The following ESRRG variants were observed in gnomAD, a reference collection of about 807,000 sequenced individuals.
ESRRG encodes the protein estrogen related receptor gamma, also known as estrogen-related receptor gamma.
A neutral mutation model predicts 44.0 loss-of-function variants in ESRRG; 13 were observed. The ratio of observed to expected loss-of-function variants is 0.30; its 90% CI spans 0.19 to 0.47. The LOEUF (loss-of-function observed/expected upper bound fraction) is 0.47. ESRRG is among the 20% of genes least tolerant of loss of function. The pLI is 1.00. For synonymous variants in ESRRG, 215 were observed against 214.6 expected, an observed-to-expected ratio of 1.00 and a Z score of -0.02; for missense variants, 395 against 580.6, an observed-to-expected ratio of 0.68 and a Z score of 3.29.
chr1:216,920,383 A>AGTGTGT (rs10534433), intron 2 of ESRRG, among the ~76,000 whole-genome samples: 236 of 124,112 alleles, frequency 1.9e-3, no homozygotes, highest in African/African-American at 2.4e-3. Context: ...AATGTATGGG[A>AGTGTGT]GTGTGTGTGT....
At chr1:216,926,385 C>T (rs374925859) in intron 2 of ESRRG, among the ~76,000 whole-genome samples, 113 of 150,210 alleles carry the variant, frequency 7.5e-4, no homozygotes, top group African/African-American at 2.6e-3. Flanking sequence ...AACCACTTTC[C>T]ATCCCAGGAA....
intron 1 of ESRRG, among the ~76,000 whole-genome samples, chr1:216,708,586 A>G (rs1324686723): frequency 1.3e-5 from 2 of 152,184 alleles, no homozygotes; most frequent in African/African-American, 4.8e-5. Flanking sequence ...GAGGATGTGG[A>G]GAAATAGGAA....
At chr1:216,980,865 T>C (rs1214267238) in intron 1 of ESRRG, among the ~76,000 whole-genome samples, 2 of 152,080 alleles carry the variant, frequency 1.3e-5, no homozygotes, top group Non-Finnish European at 2.9e-5. Flanking sequence ...ATAGAACTAA[T>C]GTAGTTGCCT....
intron 1 of ESRRG, among the ~76,000 whole-genome samples, chr1:217,055,334 T>A (rs1164378669): frequency 1.3e-5 from 2 of 152,072 alleles, no homozygotes; most frequent in Non-Finnish European, 2.9e-5. Context: ...TAGGGAATTA[T>A]AGAGGGGAGA....
At chr1:216,919,551 C>T (rs1273599478) in intron 2 of ESRRG, among the ~76,000 whole-genome samples, 1 of 152,128 alleles carries the variant, frequency 6.6e-6, no homozygotes, top group African/African-American at 2.4e-5. Context: ...GTTGCTTCTT[C>T]AATAACGCAT....
intron 3 of ESRRG, among the ~76,000 whole-genome samples, chr1:216,645,181 C>T (rs556405679): frequency 6.6e-6 from 1 of 152,212 alleles, no homozygotes; most frequent in South Asian, 2.1e-4. Flanking sequence ...CGTCTGTTAA[C>T]TTTGAAAAAA....
intron 3 of ESRRG, among the ~76,000 whole-genome samples, chr1:216,586,402 G>A (rs377191505): frequency 6.6e-6 from 1 of 152,188 alleles, no homozygotes; most frequent in African/African-American, 2.4e-5. Flanking sequence ...GTTAAATCAA[G>A]CTTAAGGTAA....
intron 1 of ESRRG, among the ~76,000 whole-genome samples, chr1:216,941,384 C>T (rs1465344506): frequency 6.6e-6 from 1 of 152,152 alleles, no homozygotes; most frequent in Admixed American, 6.5e-5. Flanking sequence ...TGCTAATGCT[C>T]ATAGCCAGTG....
Position 216,844,465 on chromosome 1 carries a change from G to A in ESRRG, c.-14+95117C>T, listed in dbSNP as rs189677774. Among the ~76,000 whole-genome samples the A allele has an allele frequency of 3.9e-4, 59 of 152,052 alleles. No individual in the cohort carries two copies. The East Asian group carries it at 9.0e-3, about 23-fold the overall frequency. ...CCCACTTGAGTCTAAAAGGTCCTACGTGCTCTTCCTGCTCAGCTCTGATGT... is the reference window on the plus strand; with the variant it reads ...CCCACTTGAGTCTAAAAGGTCCTACATGCTCTTCCTGCTCAGCTCTGATGT... On this transcript the variant is annotated intron_variant, in intron 2 of 7. Transcript: ENST00000359162.
chr1:217,039,797 A>C (rs1398733907), intron 1 of ESRRG, among the ~76,000 whole-genome samples: 1 of 152,206 alleles, frequency 6.6e-6, no homozygotes, highest in African/African-American at 2.4e-5. Context: ...AATTGTTTGT[A>C]TCTCATTATG....
chr1:216,588,584 T>C (rs1175066468), intron 3 of ESRRG, among the ~76,000 whole-genome samples: 1 of 152,192 alleles, frequency 6.6e-6, no homozygotes, highest in Non-Finnish European at 1.5e-5. Flanking sequence ...TCATAGATCA[T>C]CTTATTTAAT....
intron 5 of ESRRG, among the ~76,000 whole-genome samples, chr1:216,541,611 T>TGTGA (rs753149020): frequency 0.019 from 2,758 of 148,644 alleles, 39 homozygotes; most frequent in Non-Finnish European, 0.027. Flanking sequence ...TGTGTGTATG[T>TGTGA]GATCAGCTAT....
chr1:216,715,856 G>A (rs1485594321), intron 1 of ESRRG, among the ~76,000 whole-genome samples: 2 of 151,852 alleles, frequency 1.3e-5, no homozygotes, highest in East Asian at 1.9e-4. Flanking sequence ...CAAAAGCCAT[G>A]AAAAATGAGT....
At chr1:216,858,484 G>C (rs180722431) in intron 2 of ESRRG, among the ~76,000 whole-genome samples, 10 of 136,676 alleles carry the variant, frequency 7.3e-5, no homozygotes, top group Admixed American at 2.3e-4. Flanking sequence ...TGAAGTTGTT[G>C]TACGACCTCA....
intron 1 of ESRRG, among the ~76,000 whole-genome samples, chr1:217,071,249 C>CA (rs1358408342): frequency 1.3e-5 from 2 of 151,720 alleles, no homozygotes; most frequent in African/African-American, 4.8e-5. Context: ...TCCTTCATTG[C>CA]AAAAAAACAA....
At chr1:216,520,246 G>A (rs1383142728) in intron 5 of ESRRG, among the ~76,000 whole-genome samples, 1 of 152,114 alleles carries the variant, frequency 6.6e-6, no homozygotes, top group East Asian at 1.9e-4. Context: ...AAATTAACTT[G>A]TCTCTTAAAT....
chr1:216,741,245 TTATA>T (rs1357692564), intron 2 of ESRRG, among the ~76,000 whole-genome samples: 1 of 138,206 alleles, frequency 7.2e-6, no homozygotes, highest in Non-Finnish European at 1.6e-5. Flanking sequence ...ATAATTTATA[TTATA>T]TAATTTATAT....
rs146604230 is a variant in ESRRG at position 216,568,001 on chromosome 1, T to C, written c.687A>G (p.Pro229=). The C allele has an allele frequency of 6.0e-5, 96 of 1,612,470 alleles. No homozygotes were observed. Among genetic ancestry groups the C allele is most frequent in the Non-Finnish European group, 7.1e-5 (84 of 1,178,700 alleles). Residue 229 remains proline, a synonymous_variant, in exon 4 of 7, where the codon CCA becomes CCG. Transcript: ENST00000408911. ...TGCTGTACTTACATGGCTTTTTGGC[T>C]GGCTGAACCAGCTGAGGGTTCAGGT... The part of the protein sequence containing the change: ...SPYLNPQLVQ[P]AKKPYNKIVS...
chr1:216,639,928 G>A (rs1337297852), intron 3 of ESRRG, among the ~76,000 whole-genome samples: 1 of 152,180 alleles, frequency 6.6e-6, no homozygotes, highest in Non-Finnish European at 1.5e-5. Context: ...CCTGTCAAAG[G>A]GCTCTGTAAT....
Sources: gnomAD v4.1 joint callset for allele counts (sites outside exome capture counted in the v4.1 genomes callset) on GRCh38, gnomAD v4.1.1 for gene constraint, MANE v1.5 for transcripts, NCBI Gene and HGNC (gene_info 2026-07-23, HGNC 2026-07-21) for gene names.